PIK3C2G: variants seen among roughly 807,000 people sequenced by gnomAD.
The protein encoded by PIK3C2G is phosphatidylinositol-4-phosphate 3-kinase catalytic subunit type 2 gamma.
Under a neutral mutation model 181.1 loss-of-function variants are expected in PIK3C2G, and 168 were observed. That is an observed-to-expected ratio of 0.93 (90% CI 0.82 to 1.05). PIK3C2G has a LOEUF of 1.05. Ranked by LOEUF, PIK3C2G falls within the 50% of genes least tolerant of loss-of-function variation. PIK3C2G has a pLI of 0.00. For synonymous variants in PIK3C2G, 573 were observed against 592.2 expected (o/e 0.97, Z 0.47); for missense variants, 1,869 against 1,732.8 (o/e 1.08, Z -1.40).
At chr12:18,306,065 TA>T (rs552469923) in intron 5 of PIK3C2G, among the ~76,000 whole-genome samples, 4 of 151,132 alleles carry the variant, frequency 2.6e-5, no homozygotes, top group East Asian at 1.9e-4. Context: ...TTTTCCAGAT[TA>T]AAAAAAAACC....
At position 18,538,033 on chromosome 12, in the gene PIK3C2G, T is replaced by G; in HGVS notation, c.3324-123T>G. 6 of 817,852 alleles carry G rather than the reference T, an allele frequency of 7.3e-6. No individual in the cohort carries two copies. In the South Asian group the frequency reaches 1.1e-4, roughly 15 times the overall value. 50.7% of individuals were successfully genotyped at this position (817,852 alleles called of 1,614,324 possible). On this transcript the variant is annotated intron_variant, in intron 24 of 32. Transcript: ENST00000538779. ...AAGCTGCCTCACAATGAAGGAAATTTATCTATTACAGTAGAGAAAAAAAAA... is the reference window on the plus strand; with the variant it reads ...AAGCTGCCTCACAATGAAGGAAATTGATCTATTACAGTAGAGAAAAAAAAA...
At chr12:18,509,353 A>G (rs1565461929) in intron 24 of PIK3C2G, among the ~76,000 whole-genome samples, 1 of 152,228 alleles carries the variant, frequency 6.6e-6, no homozygotes, top group Non-Finnish European at 1.5e-5. Flanking sequence ...CAGTTACAAA[A>G]TATTGTTAAC....
At chr12:18,263,623 A>G (rs1017117512) in intron 1 of PIK3C2G, among the ~76,000 whole-genome samples, 8 of 152,132 alleles carry the variant, frequency 5.3e-5, no homozygotes, top group Non-Finnish European at 1.0e-4. Context: ...TTGACTCTTT[A>G]CCTTATAAAG....
At chr12:18,591,987 G>A in intron 29 of PIK3C2G, among the ~76,000 whole-genome samples, 1 of 151,846 alleles carries the variant, frequency 6.6e-6, no homozygotes, top group Non-Finnish European at 1.5e-5. Flanking sequence ...AGAACAGAGA[G>A]TCCAAGTAGG....
intron 12 of PIK3C2G, among the ~76,000 whole-genome samples, chr12:18,368,077 G>A (rs749681877): frequency 1.3e-5 from 2 of 152,006 alleles, no homozygotes; most frequent in Non-Finnish European, 2.9e-5. Flanking sequence ...GGGGGAAACC[G>A]CTCCTGTGAT....
chr12:18,654,034 G>A, the PIK3C2G span, among the ~76,000 whole-genome samples: 1 of 152,026 alleles, frequency 6.6e-6, no homozygotes, highest in African/African-American at 2.4e-5. Context: ...TACTATCAGA[G>A]CAATGGTAGC....
At chr12:18,369,730 CAT>C (rs1256967538) in intron 12 of PIK3C2G, among the ~76,000 whole-genome samples, 2 of 74,108 alleles carry the variant, frequency 2.7e-5, no homozygotes, top group South Asian at 5.4e-4. Flanking sequence ...GTATAATTGA[CAT>C]ATGATCATAT....
intron 31 of PIK3C2G, among the ~76,000 whole-genome samples, chr12:18,613,496 A>AT (rs1948447415): frequency 6.6e-6 from 1 of 152,050 alleles, no homozygotes; most frequent in African/African-American, 2.4e-5. Context: ...ATTACTTTTA[A>AT]TTTTTTTATT....
At chr12:18,623,824 C>G (rs1434680922) in intron 31 of PIK3C2G, among the ~76,000 whole-genome samples, 1 of 151,394 alleles carries the variant, frequency 6.6e-6, no homozygotes, top group Non-Finnish European at 1.5e-5. Flanking sequence ...TCTTGATATC[C>G]TTTTTGGAAA....
intron 24 of PIK3C2G, among the ~76,000 whole-genome samples, chr12:18,507,550 G>C (rs1007750701): frequency 2.6e-5 from 4 of 152,178 alleles, no homozygotes; most frequent in Admixed American, 2.6e-4. Flanking sequence ...GGGATACCTA[G>C]CTTATGAGGG....
intron 7 of PIK3C2G, among the ~76,000 whole-genome samples, chr12:18,322,762 A>C (rs1951167168): frequency 6.6e-6 from 1 of 152,186 alleles, no homozygotes; most frequent in Admixed American, 6.5e-5. Flanking sequence ...TTCACTCCAT[A>C]AAATCATAGA....
the PIK3C2G span, among the ~76,000 whole-genome samples, chr12:18,690,256 T>G: frequency 2.6e-4 from 40 of 152,132 alleles, no homozygotes; most frequent in African/African-American, 9.7e-4. Context: ...GAACTTTGGC[T>G]CTTGCTACCC....
At chr12:18,473,580 A>G (rs1258341413) in intron 18 of PIK3C2G, among the ~76,000 whole-genome samples, 2 of 152,286 alleles carry the variant, frequency 1.3e-5, no homozygotes, top group Admixed American at 6.5e-5. Flanking sequence ...ATGTATCTAG[A>G]GCAGCCATTC....
At position 18,503,300 on chromosome 12, in the gene PIK3C2G, T is replaced by C. The variant is rs745439888; in HGVS notation, c.3036T>C (p.Pro1012=). ...TACCAGGATTGGTGCAGATGGTACC[T>C]GATGCTGTGACCCTAGCAAAGATTC... ...GKDQGLVQMV[P]DAVTLAKIHR... Residue 1012 remains proline (P), a synonymous_variant, in exon 23 of 33, where the codon CCT becomes CCC. Transcript: ENST00000538779. The C allele has an allele frequency of 5.6e-6, 9 of 1,609,698 alleles. No individual in the cohort carries two copies. In the East Asian group the frequency reaches 1.3e-4, roughly 24 times the overall value.
At chr12:18,591,891 G>A (rs532601663) in intron 29 of PIK3C2G, among the ~76,000 whole-genome samples, 2 of 151,858 alleles carry the variant, frequency 1.3e-5, no homozygotes, top group African/African-American at 4.8e-5. Flanking sequence ...GATGATATTA[G>A]TATACCTGGA....
At chr12:18,619,183 A>T (rs1450788734) in intron 31 of PIK3C2G, among the ~76,000 whole-genome samples, 1 of 151,950 alleles carries the variant, frequency 6.6e-6, no homozygotes, top group Non-Finnish European at 1.5e-5. Context: ...AACATATGGT[A>T]TATGGAGGAA....
At chr12:18,699,710 TAAATATC>T in the PIK3C2G span, 1 of 1,352,202 alleles carries the variant, frequency 7.4e-7, no homozygotes, top group Non-Finnish European at 1.1e-6. Context: ...ATACATTTTA[TAAATATC>T]ATTGAGCAAT....
At chr12:18,521,832 C>T (rs974974815) in intron 24 of PIK3C2G, among the ~76,000 whole-genome samples, 8 of 152,248 alleles carry the variant, frequency 5.3e-5, no homozygotes, top group East Asian at 1.9e-4. Flanking sequence ...AGATTTTAGC[C>T]GAGTGGCTGT....
At chr12:18,531,793 C>T (rs1419741038) in intron 24 of PIK3C2G, among the ~76,000 whole-genome samples, 2 of 152,142 alleles carry the variant, frequency 1.3e-5, no homozygotes, top group Admixed American at 1.3e-4. Flanking sequence ...TGAAGGACAT[C>T]TTAGTTGTTT....
Sources: gnomAD v4.1 joint callset for allele counts (sites outside exome capture counted in the v4.1 genomes callset) on GRCh38, gnomAD v4.1.1 for gene constraint, MANE v1.5 for transcripts, NCBI Gene and HGNC (gene_info 2026-07-23, HGNC 2026-07-21) for gene names.